The following TSC1 variants were observed in gnomAD, a reference collection of about 807,000 sequenced individuals.
TSC1 encodes the protein TSC complex subunit 1.
In TSC1, 20 loss-of-function variants were observed where a neutral mutation model predicts 124.3. The ratio of observed to expected loss-of-function variants is 0.16; its 90% confidence interval spans 0.11 to 0.23. The LOEUF (loss-of-function observed/expected upper bound fraction) is 0.23. TSC1 is among the 10% of genes least tolerant of loss of function. TSC1 has a pLI of 1.00. For missense variants in TSC1, 1,124 were observed against 1,448.5 expected (o/e 0.78, Z 3.64); for synonymous variants, 493 against 539.1 (o/e 0.91, Z 1.19).
chr9:132,906,613 C>T lies in TSC1; in HGVS notation c.1438+118G>A, dbSNP rs1415411755. The T allele has an allele frequency of 1.2e-6, 1 of 848,920 alleles. No homozygotes were observed. The highest frequency in any genetic ancestry group is 1.7e-5 in the African/African-American group (1 of 59,228). 52.6% of individuals were successfully genotyped at this position (848,920 alleles called of 1,614,324 possible). On this transcript the variant is annotated intron_variant, in intron 14 of 22. Transcript: ENST00000298552. This position sits in a 1 kb window ranked among gnomAD's most constrained non-coding sequence, Gnocchi z 4.1. ...ATAGGTCCCAGACTAAACCACCCATCTTGTTACCTCAAGAGAAGAAAAATC... is the reference window on the plus strand; with the variant it reads ...ATAGGTCCCAGACTAAACCACCCATTTTGTTACCTCAAGAGAAGAAAAATC...
rs1018151583 is a variant in TSC1, at chr9:132,892,656, G to A, written c.*3579C>T. 12 of 233,240 alleles carry A rather than the reference G, an allele frequency of 5.1e-5. No individual in the cohort carries two copies. Among genetic ancestry groups the A allele is most frequent in the Admixed American group, 1.7e-4 (3 of 17,784 alleles). The allele number at this position is 233,240 out of a possible 1,614,324, so 14.4% of individuals were successfully genotyped here. Reference sequence around the variant, plus strand: ...CTCTTAGTGCTTTCAGCGAGAAAAGGTGAGTCTCATTACGCAGAACTTTTG... The same window carrying A: ...CTCTTAGTGCTTTCAGCGAGAAAAGATGAGTCTCATTACGCAGAACTTTTG... On this transcript the variant is annotated 3_prime_UTR_variant, in exon 23 of 23. Coordinates refer to ENST00000298552, the MANE Select transcript of TSC1 (RefSeq NM_000368.5).
Position 132,903,722 on chromosome 9 carries a change from C to T in TSC1, c.2137G>A (p.Ala713Thr). ...CGGAGGAGCCGCCTGTTCCGGAGGG[C>T]ATGCTGCTGCCTCTTAAAACGCTCA... ...LYERFKRQQH[A>T]LRNRRLLRKV... is the part of the protein sequence containing the mutation. The change falls in exon 17 of 23, where the codon GCC becomes ACC. Residue 713 changes from alanine to threonine, a missense_variant. Ala to Thr is a moderately conservative substitution (Grantham distance 58). This residue lies in a region of TSC1 where 321 missense variants were observed against 397.4 expected (regional missense o/e 0.81). Coordinates refer to ENST00000298552, the MANE Select transcript of TSC1 (RefSeq NM_000368.5). This position sits in a 1 kb window ranked among gnomAD's most constrained non-coding sequence, Gnocchi z 5.9. The T allele has an allele frequency of 6.2e-7, 1 of 1,613,316 alleles. No homozygotes were observed. Among genetic ancestry groups the T allele is most frequent in the Non-Finnish European group, 8.5e-7 (1 of 1,180,028 alleles).
rs1845518603 is a variant in TSC1 at position 132,903,941 on chromosome 9, GCAAATGAC to G, written c.2042-132_2042-125del. On this transcript the variant is annotated intron_variant, in intron 16 of 22. Transcript: ENST00000298552. The surrounding 1 kb of genome is among the most constrained non-coding windows in gnomAD (Gnocchi z 5.9). ...TTAAAAACAAATCACCACTCTCTTT[GCAAATGAC>G]CACTTGACTCCCAGCAACAGCAGGG... 2 of 1,160,956 alleles carry G rather than the reference GCAAATGAC, an allele frequency of 1.7e-6. No homozygotes were observed. Among genetic ancestry groups the G allele is most frequent in the Admixed American group, 1.9e-5 (1 of 51,384 alleles). 71.9% of individuals were successfully genotyped at this position (1,160,956 alleles called of 1,614,324 possible).
chr9:132,911,181 A>G (rs745914165), intron 10 of TSC1, 68 bp from the exon 11 acceptor site: 55 of 1,280,144 alleles, frequency 4.3e-5, no homozygotes, highest in Admixed American at 1.4e-4. Flanking sequence ...GTTTATATCC[A>G]TGGCCAGTGT....
intron 10 of TSC1, 151 bp downstream of exon 10, chr9:132,911,302 A>G: frequency 1.2e-6 from 1 of 822,840 alleles, no homozygotes; most frequent in East Asian, 2.5e-5. Flanking sequence ...AAGAGGCAAC[A>G]GTAACTTTCT....
intron 1 of TSC1, among the ~76,000 whole-genome samples, chr9:132,944,284 C>T (rs1415772191): frequency 6.6e-6 from 1 of 152,064 alleles, no homozygotes; most frequent in Non-Finnish European, 1.5e-5. Context: ...GCCGTCCCCT[C>T]GGGGGCCAAG....
At chr9:132,910,963 C>T in intron 11 of TSC1, 39 bp downstream of exon 11, 1 of 1,592,452 alleles carries the variant, frequency 6.3e-7, no homozygotes, top group Non-Finnish European at 8.6e-7. Context: ...AAAGGCAGGC[C>T]AAAACCAACT....
intron 19 of TSC1, among the ~76,000 whole-genome samples, chr9:132,901,208 AAAG>A (rs1298984818): frequency 1.3e-5 from 2 of 152,246 alleles, no homozygotes; most frequent in Admixed American, 6.5e-5. Flanking sequence ...AGTGATTCCC[AAAG>A]AAGGAGGAAT....
intron 8 of TSC1, among the ~76,000 whole-genome samples, chr9:132,913,974 C>CTGCAACCT (rs1846129814): frequency 7.3e-6 from 1 of 136,096 alleles, no homozygotes; most frequent in South Asian, 2.6e-4. Flanking sequence ...TCTCGACTCA[C>CTGCAACCT]TGCAACCTCC....
At chr9:132,934,374 A>G (rs1468981875) in intron 2 of TSC1, 2 of 152,226 alleles carry the variant, frequency 1.3e-5, no homozygotes, top group African/African-American at 2.4e-5. Context: ...GGATCATCCA[A>G]TTCCTAAAAA....
At position 132,900,504 on chromosome 9, in the gene TSC1, T is replaced by C. The variant is rs370555975; in HGVS notation, c.2625+211A>G. The C allele has an allele frequency of 7.2e-5, 47 of 649,758 alleles. No individual in the cohort carries two copies. In the East Asian group the frequency reaches 1.1e-3, roughly 15 times the overall value. The allele number at this position is 649,758 out of a possible 1,614,324, so 40.2% of individuals were successfully genotyped here. ...ACCAACTACCATTAGGTGCTTTCAG[T>C]GTGAGTTAACTTCAAAGCAACCCAA... On this transcript the variant is annotated intron_variant, in intron 20 of 22. Coordinates refer to ENST00000298552, the MANE Select transcript of TSC1 (RefSeq NM_000368.5).
In TSC1 at chr9:132,893,007, G is replaced by A. The variant is rs781746755; in HGVS notation, c.*3228C>T. 9.9e-5 allele frequency: 23 copies of A among 233,148 alleles called. No individual in the cohort carries two copies. The highest frequency in any genetic ancestry group is 1.9e-4 in the Non-Finnish European group (23 of 118,098). The allele number at this position is 233,148 out of a possible 1,614,324, so 14.4% of individuals were successfully genotyped here. On this transcript the variant is annotated 3_prime_UTR_variant, in exon 23 of 23. Coordinates refer to ENST00000298552, the MANE Select transcript of TSC1 (RefSeq NM_000368.5). ...GCCCTGCTTTTACCCAGTAATGTGC[G>A]GCATGGTGGGTGAATTTTTCTAATT... is the stretch of plus-strand genomic sequence containing the variant.
chr9:132,920,231 C>A (rs1358186609), intron 8 of TSC1, among the ~76,000 whole-genome samples: 1 of 152,196 alleles, frequency 6.6e-6, no homozygotes, highest in East Asian at 1.9e-4. Context: ...CTCCTGGAAA[C>A]CTTCAACTAC....
intron 1 of TSC1, among the ~76,000 whole-genome samples, chr9:132,939,534 C>T (rs1383838586): frequency 6.6e-6 from 1 of 152,210 alleles, no homozygotes; most frequent in African/African-American, 2.4e-5. Flanking sequence ...CTTCTAGTAA[C>T]TTAAGTGTAA....
At position 132,928,817 on chromosome 9, in the gene TSC1, A is replaced by T. The variant is rs1564504977; in HGVS notation, c.56T>A (p.Leu19Gln). The change falls in exon 3 of 23, where the codon CTG (leucine) becomes CAG (glutamine). Residue 19 changes from leucine (L) to glutamine (Q), a missense_variant. Leu to Gln is a moderately radical substitution (Grantham distance 113). Coordinates refer to ENST00000298552, the MANE Select transcript of TSC1 (RefSeq NM_000368.5). ...AGCTGTCACGTCGTCCCGCACACCC[A>T]GCATGGGGGAGTCCAGCATGGCAAG... ...ELLAMLDSPM[L>Q]GVRDDVTAVF... The T allele has an allele frequency of 6.2e-7, 1 of 1,614,222 alleles. No homozygotes were observed.
chr9:132,898,190 C>A (rs1845187349), intron 20 of TSC1, among the ~76,000 whole-genome samples: 1 of 152,230 alleles, frequency 6.6e-6, no homozygotes, highest in Admixed American at 6.5e-5. Context: ...GCCAATGGAG[C>A]AGGTCTGCTC....
Position 132,923,535 on chromosome 9 carries a change from G to C in TSC1, c.364-43C>G. On this transcript the variant is annotated intron_variant, in intron 5 of 22. Transcript: ENST00000298552. This position sits in a 1 kb window ranked among gnomAD's most constrained non-coding sequence, Gnocchi z 4.2. ...AAACAGGAAACGTCTGTCAGGCACT[G>C]GCACCAGGATCGGCATTGTACAGTA... is the stretch of plus-strand genomic sequence containing the variant. The C allele has an allele frequency of 1.2e-6, 2 of 1,613,658 alleles. No homozygotes were observed. The highest frequency in any genetic ancestry group is 1.7e-6 in the Non-Finnish European group (2 of 1,179,736).
rs1343687214 is a variant in TSC1 at position 132,921,131 on chromosome 9, AC to A, written c.737+231del. On this transcript the variant is annotated intron_variant, in intron 8 of 22. Coordinates refer to ENST00000298552, the MANE Select transcript of TSC1 (RefSeq NM_000368.5). The surrounding 1 kb of genome is among the most constrained non-coding windows in gnomAD (Gnocchi z 4.3). Reference sequence around the variant, plus strand: ...ACTGAGGTGTAAGCCTTTCTGGGGGACAGGCACTTGTGCTGCAACTTTCTCC... The same window carrying A: ...ACTGAGGTGTAAGCCTTTCTGGGGGAAGGCACTTGTGCTGCAACTTTCTCC... Among the ~76,000 whole-genome samples, 2 of 151,938 alleles carry A rather than the reference AC, an allele frequency of 1.3e-5. No homozygotes were observed. The highest frequency in any genetic ancestry group is 4.8e-5 in the African/African-American group (2 of 41,376).
chr9:132,945,061 T>G, upstream of TSC1: 2 of 152,666 alleles, frequency 1.3e-5, no homozygotes, highest in East Asian at 1.9e-4. Flanking sequence ...TGCCCTTCGC[T>G]TGCGTGGCGC....
Sources: allele counts gnomAD v4.1 joint callset (sites outside exome capture counted in the v4.1 genomes callset), GRCh38; gene constraint gnomAD v4.1.1; regional missense constraint gnomAD v4.1.1; non-coding constraint Gnocchi (gnomAD v3.1); transcripts MANE v1.5; gene names NCBI Gene and HGNC (gene_info 2026-07-23, HGNC 2026-07-21).